Variants in MAP3K5 observed in about 807,000 individuals in gnomAD.
The protein encoded by MAP3K5 is ASK-1.
In MAP3K5, 56 loss-of-function variants were observed where a neutral mutation model predicts 158.7. The observed-to-expected ratio is 0.35, with a 90% CI of 0.28 to 0.44. The LOEUF is 0.44. MAP3K5 is among the 20% of genes least tolerant of loss of function. MAP3K5 has a pLI of 1.00. For missense variants in MAP3K5, 1,294 were observed against 1,674.8 expected, an observed-to-expected ratio of 0.77 and a Z score of 3.97; for synonymous variants, 579 against 601.7, an observed-to-expected ratio of 0.96 and a Z score of 0.55.
At chr6:136,657,970 C>G (rs1583359934) in intron 9 of MAP3K5, among the ~76,000 whole-genome samples, 1 of 152,164 alleles carries the variant, frequency 6.6e-6, no homozygotes, top group African/African-American at 2.4e-5. Context: ...AACAATTAAA[C>G]TATATTGATT....
At chr6:136,717,794 T>C (rs560811922) in intron 2 of MAP3K5, among the ~76,000 whole-genome samples, 61 of 152,312 alleles carry the variant, frequency 4.0e-4, no homozygotes, top group African/African-American at 1.4e-3. Flanking sequence ...CTGCCAAATA[T>C]GCTTCCTATC....
intron 7 of MAP3K5, among the ~76,000 whole-genome samples, chr6:136,669,647 C>T (rs1264857672): frequency 1.3e-5 from 2 of 152,132 alleles, no homozygotes; most frequent in East Asian, 3.8e-4. Flanking sequence ...AAAATCCTCT[C>T]TTCAACCATC....
At chr6:136,696,156 A>G (rs1780592532) in intron 5 of MAP3K5, 99 bp from the exon 6 acceptor site, 1 of 658,066 alleles carries the variant, frequency 1.5e-6, no homozygotes, top group East Asian at 2.7e-5. Context: ...TTCAAGAAAC[A>G]CATTAAAAAG....
intron 1 of MAP3K5, among the ~76,000 whole-genome samples, chr6:136,724,516 G>A (rs144945924): frequency 8.5e-4 from 129 of 152,132 alleles, no homozygotes; most frequent in African/African-American, 3.0e-3. Flanking sequence ...CCAAAGTGCT[G>A]GGATAACAAG....
chr6:136,597,025 G>A (rs112653099), intron 21 of MAP3K5, among the ~76,000 whole-genome samples: 9 of 150,106 alleles, frequency 6.0e-5, no homozygotes, highest in African/African-American at 2.2e-4. Flanking sequence ...CCTTACTGCT[G>A]ATATCTTGCC....
chr6:136,637,518 A>T (rs1361463092), intron 13 of MAP3K5, 112 bp from the exon 14 acceptor site: 3 of 718,774 alleles, frequency 4.2e-6, no homozygotes, highest in Non-Finnish European at 7.6e-6. Flanking sequence ...GAGTCTCCAG[A>T]ACCAGGCAAT....
In MAP3K5 at chr6:136,568,434, T is replaced by C. The variant is rs571032825; in HGVS notation, c.3518-560A>G. ...GCTGATACTCACATTAGTAAGACTA[T>C]CTCTCTTTGACTATTGGGCCGATTT... On this transcript the variant is annotated intron_variant, in intron 25 of 29. Transcript: ENST00000359015. Among the ~76,000 whole-genome samples the C allele has an allele frequency of 2.0e-5, 3 of 152,324 alleles. No homozygotes were observed. The East Asian group carries it at 5.8e-4, about 29-fold the overall frequency.
intron 2 of MAP3K5, among the ~76,000 whole-genome samples, chr6:136,720,097 A>G (rs1158452898): frequency 6.6e-6 from 1 of 152,154 alleles, no homozygotes; most frequent in Admixed American, 6.5e-5. Flanking sequence ...TTTAGTTGGG[A>G]GACTGGTGGG....
chr6:136,640,707 G>A (rs78430588), intron 12 of MAP3K5, among the ~76,000 whole-genome samples: 1 of 152,236 alleles, frequency 6.6e-6, no homozygotes, highest in East Asian at 1.9e-4. Context: ...TGTATCTTTG[G>A]CAGAACAGGA....
Position 136,697,214 on chromosome 6 carries a change from C to T in MAP3K5, c.975+5G>A. On this transcript the variant is annotated splice_donor_5th_base_variant and intron_variant, in intron 5 of 29. Transcript: ENST00000359015. ...ACAAAGATTTCACTTTAAACATCTT[C>T]TCACCTGGATATCTCTGTAGGAAAG... 6.2e-7 allele frequency: 1 copy of T among 1,607,540 alleles called. No homozygotes were observed.
chr6:136,592,835 A>C, intron 21 of MAP3K5: 1 of 602,508 alleles, frequency 1.7e-6, no homozygotes, highest in Non-Finnish European at 3.1e-6. Context: ...AGGCCCTGGG[A>C]GGGATATCTC....
chr6:136,619,906 G>A (rs956251327), intron 15 of MAP3K5, among the ~76,000 whole-genome samples: 5 of 152,234 alleles, frequency 3.3e-5, no homozygotes, highest in African/African-American at 1.2e-4. Context: ...AGCCTGAGCA[G>A]CTGGATACAT....
chr6:136,668,038 C>A (rs1218793484), intron 8 of MAP3K5, among the ~76,000 whole-genome samples: 1 of 151,700 alleles, frequency 6.6e-6, no homozygotes, highest in Non-Finnish European at 1.5e-5. Flanking sequence ...AAAATAATGT[C>A]TTTTTTTTAA....
At chr6:136,562,821 C>CCA (rs1377627161) in intron 26 of MAP3K5, among the ~76,000 whole-genome samples, 3 of 150,438 alleles carry the variant, frequency 2.0e-5, no homozygotes, top group Non-Finnish European at 1.5e-5. Flanking sequence ...CAGACATGCA[C>CCA]CACCATGCCT....
At chr6:136,676,356 G>A (rs904783015) in intron 7 of MAP3K5, among the ~76,000 whole-genome samples, 5 of 152,154 alleles carry the variant, frequency 3.3e-5, no homozygotes, top group Non-Finnish European at 7.3e-5. Flanking sequence ...TTCCTTCAGT[G>A]ATCTAAACTC....
chr6:136,789,359 C>G (rs1266302731), intron 1 of MAP3K5, among the ~76,000 whole-genome samples: 6 of 152,126 alleles, frequency 3.9e-5, no homozygotes, highest in Non-Finnish European at 8.8e-5. Context: ...AAAACTGATG[C>G]ACTACCTTCA....
At chr6:136,793,061 G>A (rs919013878), upstream of MAP3K5, among the ~76,000 whole-genome samples, 1 of 152,222 alleles carries the variant, frequency 6.6e-6, no homozygotes, top group Non-Finnish European at 1.5e-5. Context: ...CGATTACGGG[G>A]TGGCGCAGAA....
chr6:136,759,106 G>A (rs974441335), intron 1 of MAP3K5, among the ~76,000 whole-genome samples: 3 of 152,118 alleles, frequency 2.0e-5, no homozygotes, highest in Admixed American at 2.0e-4. Flanking sequence ...GGGAGGTGAA[G>A]GTTGCAGTGA....
rs904937974 is a variant in MAP3K5, at chr6:136,722,958, G to A, written c.449-2369C>T. Among the ~76,000 whole-genome samples, 9 of 152,050 alleles carry A rather than the reference G, an allele frequency of 5.9e-5. 1 individual carries two copies. Among genetic ancestry groups the A allele is most frequent in the African/African-American group, 2.2e-4 (9 of 41,510 alleles). ...CTGCCTCAGCCACCTAAAGTGCTGG[G>A]ATTACAGGCATGAGCCACCACACCC... On this transcript the variant is annotated intron_variant, in intron 1 of 29. Coordinates refer to ENST00000359015, the MANE Select transcript of MAP3K5 (RefSeq NM_005923.4).
Sources: allele counts gnomAD v4.1 joint callset (sites outside exome capture counted in the v4.1 genomes callset), GRCh38; gene constraint gnomAD v4.1.1; transcripts MANE v1.5; gene names NCBI Gene and HGNC (gene_info 2026-07-23, HGNC 2026-07-21).